The following RYR2 variants were observed in gnomAD, a reference collection of about 807,000 sequenced individuals.
RYR2 encodes the protein cardiac muscle ryanodine receptor-calcium release channel.
In RYR2, 227 loss-of-function variants were observed where a neutral mutation model predicts 601.1. The observed-to-expected ratio is 0.38, with a 90% confidence interval of 0.34 to 0.42. RYR2 has a LOEUF of 0.42. Ranked by LOEUF, RYR2 falls within the 10% of genes least tolerant of loss-of-function variation. The pLI, the probability that RYR2 is intolerant of heterozygous loss-of-function variation, is 1.00. For missense variants in RYR2, 4,646 were observed against 6,156.5 expected (o/e 0.75, Z 8.21); for synonymous variants, 2,223 against 2,175.1 (o/e 1.02, Z -0.61).
At position 237,329,151 on chromosome 1, in the gene RYR2, C is replaced by A. The variant is rs551755477; in HGVS notation, c.169-1727C>A. On this transcript the variant is annotated intron_variant, in intron 2 of 104. Coordinates refer to ENST00000366574, the MANE Select transcript of RYR2 (RefSeq NM_001035.3). ...GAAAGAAATGCATTCACAATTTAATCATCCAAACTGAATTTTCTTCCTTTT... is the reference window on the plus strand; with the variant it reads ...GAAAGAAATGCATTCACAATTTAATAATCCAAACTGAATTTTCTTCCTTTT... 1.1e-4 allele frequency among the ~76,000 whole-genome samples: 17 copies of A among 152,224 alleles called. No individual in the cohort carries two copies. In the South Asian group the frequency reaches 1.7e-3, roughly 15 times the overall value.
At chr1:237,517,679 C>T (rs1666688028) in intron 24 of RYR2, among the ~76,000 whole-genome samples, 1 of 151,974 alleles carries the variant, frequency 6.6e-6, no homozygotes, top group South Asian at 2.1e-4. Flanking sequence ...TTTAGGTTCT[C>T]AGCAAAGTTA....
At chr1:237,530,559 T>G (rs1233339694) in intron 25 of RYR2, 49 bp downstream of exon 25, 1 of 1,322,800 alleles carries the variant, frequency 7.6e-7, no homozygotes, top group Non-Finnish European at 1.1e-6. Context: ...AGAGATTTAG[T>G]GCAACCAAAT....
intron 3 of RYR2, among the ~76,000 whole-genome samples, chr1:237,336,938 A>C (rs187533121): frequency 2.0e-5 from 3 of 149,724 alleles, no homozygotes; most frequent in East Asian, 4.1e-4. Flanking sequence ...TCTTTAAGAC[A>C]TGTACTCTAA....
At chr1:237,824,543 CTA>C (rs56365378) in intron 101 of RYR2, among the ~76,000 whole-genome samples, 58,140 of 151,724 alleles carry the variant, frequency 0.38, 11,453 homozygotes, top group African/African-American at 0.47. Flanking sequence ...ATAATAAGAG[CTA>C]TATATGACAA....
At chr1:237,606,653 T>G (rs567155152) in intron 35 of RYR2, among the ~76,000 whole-genome samples, 15 of 152,238 alleles carry the variant, frequency 9.9e-5, no homozygotes, top group African/African-American at 3.4e-4. Flanking sequence ...GGGAGAAAAT[T>G]TTTGCATTTT....
intron 1 of RYR2, among the ~76,000 whole-genome samples, chr1:237,112,571 C>CA (rs11419585): frequency 0.34 from 46,828 of 136,912 alleles, 8,891 homozygotes; most frequent in East Asian, 0.58. Context: ...GCTACAACAT[C>CA]AAAAAAAAAA....
chr1:237,042,319 G>T lies in RYR2; in HGVS notation c.-203G>T. On this transcript the variant is annotated 5_prime_UTR_variant, in exon 1 of 105. Transcript: ENST00000366574. Reference sequence around the variant, plus strand: ...GCACAGTGCGGAGCAGGGAGGCCCCGCGCCTCGACCACCCGCGCCCGAGCG... The same window carrying T: ...GCACAGTGCGGAGCAGGGAGGCCCCTCGCCTCGACCACCCGCGCCCGAGCG... 1 of 285,158 alleles carries T rather than the reference G, an allele frequency of 3.5e-6. No individual in the cohort carries two copies. The highest frequency in any genetic ancestry group is 6.1e-6 in the Non-Finnish European group (1 of 163,690). 17.7% of individuals were successfully genotyped at this position (285,158 alleles called of 1,614,324 possible). A position where few individuals can be genotyped will look rare whatever the true frequency, so the allele number is the denominator to read the frequency against.
At chr1:237,396,351 A>G (rs545933741) in intron 10 of RYR2, among the ~76,000 whole-genome samples, 1 of 152,226 alleles carries the variant, frequency 6.6e-6, no homozygotes, top group African/African-American at 2.4e-5. Context: ...TCTCTGGACC[A>G]ATAGAATAGG....
intron 1 of RYR2, among the ~76,000 whole-genome samples, chr1:237,200,637 G>A (rs937260821): frequency 6.6e-6 from 1 of 152,162 alleles, no homozygotes; most frequent in Non-Finnish European, 1.5e-5. Flanking sequence ...TGCAGATTCT[G>A]GGGGGATTAC....
At chr1:237,763,605 T>G (rs181827054) in intron 84 of RYR2, among the ~76,000 whole-genome samples, 36 of 152,340 alleles carry the variant, frequency 2.4e-4, no homozygotes, top group Non-Finnish European at 3.4e-4. Flanking sequence ...TCAAAGTAGT[T>G]TCTGAAAGAC....
chr1:237,790,544 C>T (rs1291323955), intron 92 of RYR2, among the ~76,000 whole-genome samples: 1 of 152,014 alleles, frequency 6.6e-6, no homozygotes, highest in Non-Finnish European at 1.5e-5. Context: ...TAATAGCTTC[C>T]CATCCCACCT....
chr1:237,725,861 A>G (rs1377843251), intron 74 of RYR2, among the ~76,000 whole-genome samples: 1 of 152,190 alleles, frequency 6.6e-6, no homozygotes, highest in Non-Finnish European at 1.5e-5. Flanking sequence ...ACCCATGCTG[A>G]TCATAATGCT....
At position 237,207,897 on chromosome 1, in the gene RYR2, G is replaced by A. The variant is rs539186925; in HGVS notation, c.49-62600G>A. 2.6e-5 allele frequency among the ~76,000 whole-genome samples: 4 copies of A among 152,314 alleles called. No homozygotes were observed. In the South Asian group the frequency reaches 8.3e-4, roughly 32 times the overall value. On this transcript the variant is annotated intron_variant, in intron 1 of 104. Transcript: ENST00000366574. ...TGCAATTACGTTTGTATCAACCTGA[G>A]AGCATATTAATCTTTTCTTGTTTTT...
intron 11 of RYR2, among the ~76,000 whole-genome samples, chr1:237,420,595 A>G (rs925709316): frequency 3.9e-4 from 59 of 152,170 alleles, no homozygotes; most frequent in Non-Finnish European, 3.2e-4. Context: ...AATGAAAGCA[A>G]ATGTGCTTAG....
intron 66 of RYR2, among the ~76,000 whole-genome samples, chr1:237,703,327 A>G (rs1426157295): frequency 6.6e-6 from 1 of 151,568 alleles, no homozygotes; most frequent in African/African-American, 2.4e-5. Flanking sequence ...GTGAAAATAT[A>G]GGATCCCTAT....
At chr1:237,068,032 A>ATTT (rs36053229) in intron 1 of RYR2, among the ~76,000 whole-genome samples, 18 of 122,870 alleles carry the variant, frequency 1.5e-4, no homozygotes, top group Non-Finnish European at 1.9e-4. Context: ...CAGAACTTTG[A>ATTT]TTTTTTTTTT....
At chr1:237,147,260 A>AG (rs1674103666) in intron 1 of RYR2, among the ~76,000 whole-genome samples, 1 of 152,206 alleles carries the variant, frequency 6.6e-6, no homozygotes. Flanking sequence ...AGTTTGGGTT[A>AG]ATAATTAAGC....
At chr1:237,817,599 G>C (rs1454794746) in intron 100 of RYR2, among the ~76,000 whole-genome samples, 1 of 152,194 alleles carries the variant, frequency 6.6e-6, no homozygotes, top group Admixed American at 6.5e-5. Context: ...GCTGGAAATA[G>C]AAATGAGTAT....
intron 58 of RYR2, among the ~76,000 whole-genome samples, chr1:237,670,239 G>A (rs1267121401): frequency 6.6e-6 from 1 of 150,672 alleles, no homozygotes; most frequent in Non-Finnish European, 1.5e-5. Flanking sequence ...GATGGCAGCT[G>A]TACAGTCCAG....
Sources: gnomAD v4.1 joint callset for allele counts (sites outside exome capture counted in the v4.1 genomes callset) on GRCh38, gnomAD v4.1.1 for gene constraint, MANE v1.5 for transcripts, NCBI Gene and HGNC (gene_info 2026-07-23, HGNC 2026-07-21) for gene names.